The following CERS6 variants were observed in gnomAD, a reference collection of about 807,000 sequenced individuals.
CERS6 encodes ceramide synthase 6, also known as LAG1 homolog, ceramide synthase 6.
In CERS6, 26 loss-of-function variants were observed where a neutral mutation model predicts 56.8. The observed-to-expected ratio is 0.46, with a 90% confidence interval of 0.34 to 0.63. The LOEUF is 0.63. Among genes scored for constraint, CERS6 ranks in the 30% least tolerant of loss-of-function variants. The probability of loss-of-function intolerance (pLI) is 0.01; values close to 1 mark genes in which losing one functional copy is unlikely to be tolerated. For missense variants in CERS6, 415 were observed against 467.5 expected, an observed-to-expected ratio of 0.89 and a Z score of 1.04; for synonymous variants, 164 against 173.3, an observed-to-expected ratio of 0.95 and a Z score of 0.42.
At chr2:168,505,461 T>C (rs1694660956) in intron 1 of CERS6, among the ~76,000 whole-genome samples, 1 of 150,166 alleles carries the variant, frequency 6.7e-6, no homozygotes, top group Non-Finnish European at 1.5e-5. Context: ...ATCAGATAGA[T>C]AGAAGCAGAG....
At chr2:168,567,585 T>C (rs1015809011) in intron 3 of CERS6, among the ~76,000 whole-genome samples, 1 of 152,226 alleles carries the variant, frequency 6.6e-6, no homozygotes, top group African/African-American at 2.4e-5. Context: ...TCTTAACCCA[T>C]GGGCCATACA....
chr2:168,642,685 G>A (rs1180309170), intron 4 of CERS6, among the ~76,000 whole-genome samples: 4 of 152,194 alleles, frequency 2.6e-5, no homozygotes, highest in Non-Finnish European at 5.9e-5. Flanking sequence ...GAAAGTTGCA[G>A]AATGGAGCAT....
chr2:168,645,145 AGAG>A (rs1438310774), intron 4 of CERS6, among the ~76,000 whole-genome samples: 5 of 25,180 alleles, frequency 2.0e-4, no homozygotes, highest in Admixed American at 4.3e-4. Context: ...ATATATATAG[AGAG>A]AGAGAGAGAG....
At chr2:168,458,949 C>G (rs759349464) in intron 1 of CERS6, among the ~76,000 whole-genome samples, 2 of 152,186 alleles carry the variant, frequency 1.3e-5, no homozygotes, top group Non-Finnish European at 2.9e-5. Context: ...CATCAAGGGC[C>G]TGAATCAATA....
At chr2:168,642,883 C>G (rs541620843) in intron 4 of CERS6, among the ~76,000 whole-genome samples, 4 of 152,306 alleles carry the variant, frequency 2.6e-5, no homozygotes, top group Admixed American at 1.3e-4. Context: ...TGTGAATTGT[C>G]AGGATCTACT....
At chr2:168,536,553 A>G (rs1436914006) in intron 1 of CERS6, among the ~76,000 whole-genome samples, 1 of 152,202 alleles carries the variant, frequency 6.6e-6, no homozygotes, top group Admixed American at 6.5e-5. Flanking sequence ...TGCACACCTC[A>G]AATATACACA....
At chr2:168,721,726 C>G (rs1193793157) in intron 8 of CERS6, among the ~76,000 whole-genome samples, 1 of 151,406 alleles carries the variant, frequency 6.6e-6, no homozygotes, top group Admixed American at 6.6e-5. Flanking sequence ...TCAAGTGATT[C>G]TCCTGCCTCA....
chr2:168,583,922 A>G (rs1431906245), intron 3 of CERS6, among the ~76,000 whole-genome samples: 3 of 152,238 alleles, frequency 2.0e-5, no homozygotes, highest in Non-Finnish European at 2.9e-5. Context: ...GCCTTTTGCC[A>G]TCATGACAGC....
In CERS6 at chr2:168,645,116, A is replaced by AAATATAT. The variant is rs1553503146; in HGVS notation, c.465+14075_465+14076insATATATA. Among the ~76,000 whole-genome samples the AAATATAT allele has an allele frequency of 1.9e-3, 37 of 19,030 alleles. 9 individuals are homozygous for AAATATAT. The highest frequency in any genetic ancestry group is 3.9e-3 in the South Asian group (1 of 256). 12.5% of individuals were successfully genotyped at this position (19,030 alleles called of 152,430 possible). On this transcript the variant is annotated intron_variant, in intron 4 of 9. Coordinates refer to ENST00000305747, the MANE Select transcript of CERS6 (RefSeq NM_203463.3). The stretch of plus-strand genomic sequence containing the variant: ...AAAAAAAAAAAAAAAAAAAAAAAAA[A>AAATATAT]ATATATATATATATATATATATATA...
intron 4 of CERS6, among the ~76,000 whole-genome samples, chr2:168,652,532 T>C (rs1685368957): frequency 6.8e-6 from 1 of 147,432 alleles, no homozygotes; most frequent in South Asian, 2.1e-4. Context: ...CCTTAGCTGC[T>C]AAATAAATAA....
At chr2:168,482,580 G>A (rs1389554992) in intron 1 of CERS6, among the ~76,000 whole-genome samples, 2 of 152,192 alleles carry the variant, frequency 1.3e-5, no homozygotes, top group African/African-American at 2.4e-5. Context: ...TTTCAACTGC[G>A]TCAGCTTCAA....
intron 8 of CERS6, among the ~76,000 whole-genome samples, chr2:168,723,627 T>TTAAA (rs1232052226): frequency 5.9e-5 from 9 of 152,230 alleles, no homozygotes; most frequent in African/African-American, 2.2e-4. Context: ...TAATACCTTG[T>TTAAA]TATTTTGAAT....
chr2:168,675,605 A>C lies in CERS6; in HGVS notation c.466-15429A>C, dbSNP rs550585572. On this transcript the variant is annotated intron_variant, in intron 4 of 9. Transcript: ENST00000305747. ...TGTCTCAAAACAAAACAAAACAAAAACCAAGGACAACAACAACAACAACAA... is the reference window on the plus strand; with the variant it reads ...TGTCTCAAAACAAAACAAAACAAAACCCAAGGACAACAACAACAACAACAA... Among the ~76,000 whole-genome samples, 31 of 152,198 alleles carry C rather than the reference A, an allele frequency of 2.0e-4. No individual in the cohort carries two copies. The East Asian group carries it at 3.5e-3, about 17-fold the overall frequency.
chr2:168,468,892 T>C (rs940331561), intron 1 of CERS6, among the ~76,000 whole-genome samples: 6 of 54,280 alleles, frequency 1.1e-4, no homozygotes, highest in African/African-American at 4.8e-4. Context: ...TTCACACTCA[T>C]GTAATCACTT....
intron 1 of CERS6, among the ~76,000 whole-genome samples, chr2:168,494,124 A>C (rs921213725): frequency 6.6e-6 from 1 of 152,184 alleles, no homozygotes; most frequent in African/African-American, 2.4e-5. Flanking sequence ...GTGTTTGTGC[A>C]GCTGCCCCAT....
intron 8 of CERS6, among the ~76,000 whole-genome samples, chr2:168,724,522 G>A (rs1049303960): frequency 6.6e-6 from 1 of 152,062 alleles, no homozygotes; most frequent in Non-Finnish European, 1.5e-5. Flanking sequence ...GCGCTGATTG[G>A]TGCTTTTACA....
chr2:168,635,923 T>A (rs964355565), intron 4 of CERS6, among the ~76,000 whole-genome samples: 1 of 152,242 alleles, frequency 6.6e-6, no homozygotes, highest in Non-Finnish European at 1.5e-5. Flanking sequence ...TCGGAATCTT[T>A]CTGAAATGGG....
At chr2:168,608,490 A>G (rs556297751) in intron 3 of CERS6, among the ~76,000 whole-genome samples, 83 of 152,366 alleles carry the variant, frequency 5.4e-4, no homozygotes, top group South Asian at 2.3e-3. Flanking sequence ...ACACCATTTC[A>G]TCTTCCCACC....
At chr2:168,698,255 G>GAAAAAAAAAAAAAAAAAAAAAAAA (rs869056813) in intron 6 of CERS6, among the ~76,000 whole-genome samples, 1 of 17,952 alleles carries the variant, frequency 5.6e-5, no homozygotes, top group Admixed American at 8.8e-4. Flanking sequence ...AAAAAAAAAA[G>GAAAAAAAAAAAAAAAAAAAAAAAA]AAAAAAAAAA....
Sources: gnomAD v4.1 joint callset for allele counts (sites outside exome capture counted in the v4.1 genomes callset) on GRCh38, gnomAD v4.1.1 for gene constraint, MANE v1.5 for transcripts, NCBI Gene and HGNC (gene_info 2026-07-23, HGNC 2026-07-21) for gene names.